The following NRXN2 variants were observed in gnomAD, a reference collection of about 807,000 sequenced individuals.
NRXN2 encodes neurexin-2-beta.
NRXN2 carries 29 observed loss-of-function variants against 128.8 expected under a neutral mutation model. That is an observed-to-expected ratio of 0.23 (90% confidence interval 0.17 to 0.31). The LOEUF is 0.31. Among genes scored for constraint, NRXN2 ranks in the 10% least tolerant of loss-of-function variants. The probability of loss-of-function intolerance (pLI) is 1.00; values close to 1 mark genes in which losing one functional copy is unlikely to be tolerated. For synonymous variants in NRXN2, 1,098 were observed against 1,075.2 expected, an observed-to-expected ratio of 1.02 and a Z score of -0.41; for missense variants, 1,881 against 2,452.6, an observed-to-expected ratio of 0.77 and a Z score of 4.92.
At chr11:64,696,474 CAG>C (rs1256450447) in intron 3 of NRXN2, among the ~76,000 whole-genome samples, 3 of 151,662 alleles carry the variant, frequency 2.0e-5, no homozygotes, top group Middle Eastern at 3.2e-3. Flanking sequence ...CACAGACCAG[CAG>C]AGTTGTATAA....
intron 9 of NRXN2, among the ~76,000 whole-genome samples, chr11:64,662,895 GCCTAACTTCATGGGGTTAAAGAGA>G (rs2049255009): frequency 6.6e-6 from 1 of 152,070 alleles, no homozygotes; most frequent in African/African-American, 2.4e-5. Flanking sequence ...AAAAGACTCT[GCCTAACTTCATGGGGTTAAAGAGA>G]GGTTAAGGAG....
In NRXN2 at chr11:64,623,304, G is replaced by C. The variant is rs2042640313; in HGVS notation, c.3848-226C>G. 10 of 699,896 alleles carry C rather than the reference G, an allele frequency of 1.4e-5. No homozygotes were observed. The South Asian group carries it at 1.8e-4, about 12-fold the overall frequency. 43.4% of individuals were successfully genotyped at this position (699,896 alleles called of 1,614,324 possible). ...CAGGTGGGGACCCCAGAAGGGGAGGGCACCCAGGGTACACATGGGCTGGGG... is the reference window on the plus strand; with the variant it reads ...CAGGTGGGGACCCCAGAAGGGGAGGCCACCCAGGGTACACATGGGCTGGGG... On this transcript the variant is annotated intron_variant, in intron 20 of 22. Transcript: ENST00000265459. The surrounding 1 kb of genome is among the most constrained non-coding windows in gnomAD (Gnocchi z 4.9).
In NRXN2 at chr11:64,686,092, C is replaced by T. The variant is rs564214830; in HGVS notation, c.851-145G>A. On this transcript the variant is annotated intron_variant, in intron 5 of 22. Coordinates refer to ENST00000265459, the MANE Select transcript of NRXN2 (RefSeq NM_015080.4). ...AACCTGTAGCTTTAGGCCCCTTTCC[C>T]TCCCTCGGCCTGTCAACCATCCTCT... is the stretch of plus-strand genomic sequence containing the variant. 37 of 811,586 alleles carry T rather than the reference C, an allele frequency of 4.6e-5. No individual in the cohort carries two copies. In the South Asian group the frequency reaches 5.1e-4, roughly 11 times the overall value. The allele number at this position is 811,586 out of a possible 1,614,324, so 50.3% of individuals were successfully genotyped here.
chr11:64,629,672 C>T (rs2043583958), intron 19 of NRXN2, among the ~76,000 whole-genome samples: 1 of 152,176 alleles, frequency 6.6e-6, no homozygotes, highest in South Asian at 2.1e-4. Flanking sequence ...TCTGCATTCT[C>T]AAGGCTCCCT....
chr11:64,691,039 A>AT, intron 4 of NRXN2, among the ~76,000 whole-genome samples: 1 of 152,210 alleles, frequency 6.6e-6, no homozygotes, highest in Non-Finnish European at 1.5e-5. Context: ...TGAGGCTCTC[A>AT]CTACACCTTG....
intron 12 of NRXN2, among the ~76,000 whole-genome samples, chr11:64,652,731 A>C (rs2047646831): frequency 6.6e-6 from 1 of 152,262 alleles, no homozygotes; most frequent in East Asian, 1.9e-4. Flanking sequence ...TGCCTGGTTA[A>C]CGTCACACAC....
At chr11:64,707,012 C>T (rs960005195) in intron 2 of NRXN2, among the ~76,000 whole-genome samples, 4 of 146,130 alleles carry the variant, frequency 2.7e-5, no homozygotes, top group South Asian at 4.4e-4. Flanking sequence ...AGTGCAGTGG[C>T]GCGATCTCAG....
Position 64,623,230 on chromosome 11 carries a change from G to T in NRXN2, c.3848-152C>A. On this transcript the variant is annotated intron_variant, in intron 20 of 22. Transcript: ENST00000265459. This position sits in a 1 kb window ranked among gnomAD's most constrained non-coding sequence, Gnocchi z 4.9. ...GGGGACGGGGAGAAATGAGGAAGGG[G>T]CAGAAAGCCAAAGGGAAAGTCCTTG... 1.5e-6 allele frequency: 2 copies of T among 1,290,350 alleles called. No homozygotes were observed. The highest frequency in any genetic ancestry group is 2.1e-6 in the Non-Finnish European group (2 of 963,386). The allele number at this position is 1,290,350 out of a possible 1,614,324, so 79.9% of individuals were successfully genotyped here.
At chr11:64,673,086 C>A (rs887461804) in intron 7 of NRXN2, among the ~76,000 whole-genome samples, 2 of 152,228 alleles carry the variant, frequency 1.3e-5, no homozygotes, top group African/African-American at 4.8e-5. Flanking sequence ...TCCTCGATAT[C>A]TGGCTATCTG....
rs142462404 is a variant in NRXN2 at position 64,660,516 on chromosome 11, G to A, written c.2205C>T (p.Tyr735=). The A allele has an allele frequency of 3.7e-5, 59 of 1,614,166 alleles. No homozygotes were observed. The highest frequency in any genetic ancestry group is 6.7e-5 in the African/African-American group (5 of 75,034). The part of the protein sequence containing the change: ...VCEREATVLS[Y]DGSMYMKIML... ...TGATCTTCATGTACATGGAGCCATC[G>A]TAGCTCAGGACCGTGGCCTCTGCCC... is the stretch of plus-strand genomic sequence containing the variant. Residue 735 remains tyrosine, a synonymous_variant, in exon 11 of 23, where the codon TAC becomes TAT. Transcript: ENST00000265459. This position sits in a 1 kb window ranked among gnomAD's most constrained non-coding sequence, Gnocchi z 5.2.
intron 6 of NRXN2, among the ~76,000 whole-genome samples, chr11:64,684,013 G>T (rs1315224649): frequency 6.6e-6 from 1 of 152,186 alleles, no homozygotes; most frequent in Non-Finnish European, 1.5e-5. Context: ...GCATGGCTTT[G>T]CTCTATTCAC....
intron 15 of NRXN2, 142 bp downstream of exon 15, chr11:64,650,305 TG>T: frequency 2.4e-6 from 2 of 824,692 alleles, no homozygotes; most frequent in Non-Finnish European, 4.1e-6. Context: ...GATGTCAGGC[TG>T]GACATAGTGG....
intron 2 of NRXN2, among the ~76,000 whole-genome samples, chr11:64,702,135 G>A (rs2055540806): frequency 7.1e-6 from 1 of 141,438 alleles, no homozygotes; most frequent in Non-Finnish European, 1.5e-5. Flanking sequence ...AGGTGGGGGG[G>A]TCAGCCCCCC....
chr11:64,706,373 C>T lies in NRXN2; in HGVS notation c.730+6597G>A, dbSNP rs2056329135. 4.1e-5 allele frequency among the ~76,000 whole-genome samples: 6 copies of T among 144,888 alleles called. No individual in the cohort carries two copies. In the South Asian group the frequency reaches 1.3e-3, roughly 32 times the overall value. Reference sequence around the variant, plus strand: ...GTGTGTGATGTTCCCCTTCCTGTGTCCAAGTGTTCTCATTGTTCAATTCCC... The same window carrying T: ...GTGTGTGATGTTCCCCTTCCTGTGTTCAAGTGTTCTCATTGTTCAATTCCC... On this transcript the variant is annotated intron_variant, in intron 2 of 22. Transcript: ENST00000265459.
At chr11:64,662,010 T>C (rs1013552997) in intron 9 of NRXN2, among the ~76,000 whole-genome samples, 9 of 151,264 alleles carry the variant, frequency 5.9e-5, no homozygotes, top group African/African-American at 2.2e-4. Context: ...CCCAGCACTT[T>C]GGGAGGCCGA....
intron 11 of NRXN2, 54 bp from the exon 12 acceptor site, chr11:64,653,776 A>T (rs1173363740): frequency 1.5e-6 from 2 of 1,324,144 alleles, no homozygotes; most frequent in Non-Finnish European, 2.1e-6. Context: ...AGGTAAAACA[A>T]GTTTTTTTTT....
chr11:64,655,501 G>T (rs538100256), intron 11 of NRXN2, among the ~76,000 whole-genome samples: 2 of 152,040 alleles, frequency 1.3e-5, no homozygotes, highest in Admixed American at 1.3e-4. Flanking sequence ...GTCAGGTCAC[G>T]GGGGCTCTCT....
rs754016916 is a variant in NRXN2 at position 64,651,269 on chromosome 11, G to A, written c.2904C>T (p.Ile968=). The A allele has an allele frequency of 5.0e-6, 8 of 1,614,114 alleles. No individual in the cohort carries two copies. The highest frequency in any genetic ancestry group is 1.7e-4 in the Middle Eastern group (1 of 6,060). The change falls in exon 14 of 23, where the codon ATC becomes ATT. Residue 968 remains isoleucine (I), a synonymous_variant. Coordinates refer to ENST00000265459, the MANE Select transcript of NRXN2 (RefSeq NM_015080.4). This position sits in a 1 kb window ranked among gnomAD's most constrained non-coding sequence, Gnocchi z 5.9. The part of the protein sequence containing the change: ...NSGNGNDFIV[I]ELVKGYIHYV... Reference sequence around the variant, plus strand: ...CAGCCCCTCACCCCTTGACCAGCTCGATGACAATGAAGTCATTGCCGTTGC... The same window carrying A: ...CAGCCCCTCACCCCTTGACCAGCTCAATGACAATGAAGTCATTGCCGTTGC...
chr11:64,614,240 GC>G (rs1310535947), intron 22 of NRXN2, among the ~76,000 whole-genome samples: 2 of 152,292 alleles, frequency 1.3e-5, no homozygotes, highest in East Asian at 1.9e-4. Context: ...TTTAGGGGTT[GC>G]CCCCCGCCCC....
Sources: allele counts gnomAD v4.1 joint callset (sites outside exome capture counted in the v4.1 genomes callset), GRCh38; gene constraint gnomAD v4.1.1; non-coding constraint Gnocchi (gnomAD v3.1); transcripts MANE v1.5; gene names NCBI Gene and HGNC (gene_info 2026-07-23, HGNC 2026-07-21).